Variants in SLC14A2 observed in about 807,000 individuals in gnomAD.
SLC14A2 encodes the protein solute carrier family 14 member 2.
SLC14A2 carries 91 observed loss-of-function variants against 104.6 expected under a neutral mutation model. The observed-to-expected ratio is 0.87, with a 90% CI of 0.73 to 1.04. The LOEUF (loss-of-function observed/expected upper bound fraction) is 1.04, where lower values mean the gene tolerates loss of function less well. Among genes scored for constraint, SLC14A2 ranks in the 50% least tolerant of loss-of-function variants. The pLI is 0.00. For synonymous variants in SLC14A2, 476 were observed against 466.4 expected (o/e 1.02, Z -0.27); for missense variants, 1,189 against 1,156.0 (o/e 1.03, Z -0.41).
intron 1 of SLC14A2, among the ~76,000 whole-genome samples, chr18:45,462,845 G>C (rs746804422): frequency 6.6e-6 from 1 of 152,156 alleles, no homozygotes; most frequent in African/African-American, 2.4e-5. Context: ...CTACTTTGCA[G>C]ATTTTTGTAA....
At chr18:45,646,531 T>C (rs1034182707) in intron 10 of SLC14A2, 2 of 152,190 alleles carry the variant, frequency 1.3e-5, no homozygotes, top group African/African-American at 4.8e-5. Context: ...ACCCAAAGCA[T>C]TGGGTCTGAT....
At position 45,667,826 on chromosome 18, in the gene SLC14A2, AT is replaced by A; in HGVS notation, c.1718-4del. On this transcript the variant is annotated splice_polypyrimidine_tract_variant and splice_region_variant and intron_variant, in intron 13 of 19. Transcript: ENST00000255226. ...CTTGCCTACTTCCTGCCCCGGTTCC[AT>A]TTCAGACAAGTCCCCAGTGTTCCAG... 1 of 1,613,418 alleles carries A rather than the reference AT, an allele frequency of 6.2e-7. No homozygotes were observed. Among genetic ancestry groups the A allele is most frequent in the South Asian group, 1.1e-5 (1 of 91,054 alleles).
chr18:45,465,403 C>G (rs1194927664), intron 1 of SLC14A2, among the ~76,000 whole-genome samples: 1 of 152,200 alleles, frequency 6.6e-6, no homozygotes, highest in Non-Finnish European at 1.5e-5. Flanking sequence ...CCAGGCTTGC[C>G]TCCCATCCCA....
At chr18:45,260,196 C>A (rs1452810377) in intron 1 of SLC14A2, among the ~76,000 whole-genome samples, 1 of 152,176 alleles carries the variant, frequency 6.6e-6, no homozygotes, top group Non-Finnish European at 1.5e-5. Flanking sequence ...ATTTATTGAG[C>A]AGCTCCTCTG....
At position 45,466,697 on chromosome 18, in the gene SLC14A2, A is replaced by G. The variant is rs1001133726; in HGVS notation, c.-124-16536A>G. On this transcript the variant is annotated intron_variant, in intron 1 of 20. Transcript: ENST00000586448. The stretch of plus-strand genomic sequence containing the variant: ...GTAGTCATAAGAGAGAAGGCCAGCC[A>G]AGTAGATTGAGGGTAAATAAAAGAG... Among the ~76,000 whole-genome samples, 5 of 151,634 alleles carry G rather than the reference A, an allele frequency of 3.3e-5. No homozygotes were observed. The East Asian group carries it at 7.8e-4, about 24-fold the overall frequency.
chr18:45,431,784 A>T (rs1375578259), intron 1 of SLC14A2, among the ~76,000 whole-genome samples: 1 of 152,228 alleles, frequency 6.6e-6, no homozygotes, highest in African/African-American at 2.4e-5. Flanking sequence ...TTTGCAGAGA[A>T]CTGGGCTTTG....
At chr18:45,642,748 G>A (rs898308072) in intron 8 of SLC14A2, among the ~76,000 whole-genome samples, 2 of 151,656 alleles carry the variant, frequency 1.3e-5, no homozygotes. Context: ...GCAGGAGCTC[G>A]TATAGTCTGA....
In SLC14A2 at chr18:45,476,411, C is replaced by A. The variant is rs543645118; in HGVS notation, c.-124-6822C>A. ...GACCTTTCTCTCTGACTGCCCTTAACATTTTTTCCTTAATTTCAACCTTGG... is the reference window on the plus strand; with the variant it reads ...GACCTTTCTCTCTGACTGCCCTTAAAATTTTTTCCTTAATTTCAACCTTGG... On this transcript the variant is annotated intron_variant, in intron 1 of 20. Transcript: ENST00000586448. Among the ~76,000 whole-genome samples, 3 of 152,298 alleles carry A rather than the reference C, an allele frequency of 2.0e-5. No homozygotes were observed. The South Asian group carries it at 6.2e-4, about 32-fold the overall frequency.
chr18:45,335,526 C>T (rs563999617), intron 1 of SLC14A2, among the ~76,000 whole-genome samples: 1 of 152,274 alleles, frequency 6.6e-6, no homozygotes, highest in African/African-American at 2.4e-5. Context: ...TTTCATGCCT[C>T]ACATCATTCA....
chr18:45,335,587 C>T (rs1323883368), intron 1 of SLC14A2, among the ~76,000 whole-genome samples: 2 of 152,186 alleles, frequency 1.3e-5, no homozygotes, highest in African/African-American at 4.8e-5. Context: ...GCAATAAAGA[C>T]AAGAACAACT....
At chr18:45,355,407 C>T (rs1489802342) in intron 1 of SLC14A2, among the ~76,000 whole-genome samples, 1 of 151,682 alleles carries the variant, frequency 6.6e-6, no homozygotes. Context: ...AACCCTGTCT[C>T]TACTAAAAAT....
intron 1 of SLC14A2, among the ~76,000 whole-genome samples, chr18:45,360,852 G>T (rs967230434): frequency 6.6e-6 from 1 of 152,152 alleles, no homozygotes; most frequent in African/African-American, 2.4e-5. Flanking sequence ...TGAAGAAGAA[G>T]GGGAGATTTT....
At chr18:45,303,569 A>T (rs1165306205) in intron 1 of SLC14A2, among the ~76,000 whole-genome samples, 1 of 152,190 alleles carries the variant, frequency 6.6e-6, no homozygotes, top group Non-Finnish European at 1.5e-5. Flanking sequence ...CTGGTGGCAC[A>T]TACACAGGCT....
At chr18:45,641,412 C>T in intron 8 of SLC14A2, 69 bp downstream of exon 8, 1 of 1,550,320 alleles carries the variant, frequency 6.5e-7, no homozygotes. Flanking sequence ...TATGTGAAAC[C>T]CATGGGGACC....
chr18:45,565,823 C>T (rs1026472821), intron 2 of SLC14A2, among the ~76,000 whole-genome samples: 1 of 152,202 alleles, frequency 6.6e-6, no homozygotes, highest in Non-Finnish European at 1.5e-5. Flanking sequence ...GTCCTCCTCC[C>T]TCTGCCTCAG....
chr18:45,437,486 G>C (rs1357321080), intron 1 of SLC14A2, among the ~76,000 whole-genome samples: 1 of 152,124 alleles, frequency 6.6e-6, no homozygotes, highest in Non-Finnish European at 1.5e-5. Flanking sequence ...ACTGCACAGA[G>C]CCCCACCTCC....
intron 1 of SLC14A2, among the ~76,000 whole-genome samples, chr18:45,389,965 G>A (rs1289800683): frequency 1.3e-5 from 2 of 152,152 alleles, no homozygotes; most frequent in African/African-American, 4.8e-5. Flanking sequence ...TCTCAATTTT[G>A]CTAGAATGAA....
At chr18:45,281,484 G>A (rs2084761995) in intron 1 of SLC14A2, among the ~76,000 whole-genome samples, 1 of 151,994 alleles carries the variant, frequency 6.6e-6, no homozygotes, top group African/African-American at 2.4e-5. Flanking sequence ...TGGATTATTG[G>A]GAAGAAAAAC....
chr18:45,643,242 T>C (rs2045560817), intron 9 of SLC14A2, 61 bp downstream of exon 9: 3 of 1,423,984 alleles, frequency 2.1e-6, no homozygotes, highest in Non-Finnish European at 2.0e-6. Flanking sequence ...TCTGGACATA[T>C]GGGGTTGTGG....
Sources: allele counts gnomAD v4.1 joint callset (sites outside exome capture counted in the v4.1 genomes callset), GRCh38; gene constraint gnomAD v4.1.1; transcripts MANE v1.5; gene names NCBI Gene and HGNC (gene_info 2026-07-23, HGNC 2026-07-21).